Variants in HNF4G observed in about 807,000 individuals in gnomAD.
HNF4G encodes the protein hepatocyte nuclear factor 4 gamma, also known as hepatocyte nuclear factor 4-gamma.
HNF4G carries 21 observed loss-of-function variants against 50.9 expected under a neutral mutation model. The observed-to-expected ratio is 0.41, with a 90% CI of 0.29 to 0.59. The LOEUF is 0.59. HNF4G is among the 20% of genes least tolerant of loss of function. HNF4G has a pLI of 0.26. For synonymous variants in HNF4G, 198 were observed against 185.6 expected, an observed-to-expected ratio of 1.07 and a Z score of -0.54; for missense variants, 527 against 559.4, an observed-to-expected ratio of 0.94 and a Z score of 0.58.
At chr8:75,535,434 TCTTCA>T (rs1187501698), upstream of HNF4G, among the ~76,000 whole-genome samples, 1 of 151,762 alleles carries the variant, frequency 6.6e-6, no homozygotes, top group African/African-American at 2.4e-5. Flanking sequence ...TGGGTAGAGT[TCTTCA>T]CTTAATGGTT....
chr8:75,527,174 T>G (rs1285849512), intron 2 of HNF4G: 1 of 152,206 alleles, frequency 6.6e-6, no homozygotes, highest in Non-Finnish European at 1.5e-5. Flanking sequence ...ATTGTTGAAC[T>G]ACTATCTAGG....
At position 75,526,105 on chromosome 8, in the gene HNF4G, AATTTATTTATTTATTTATTT is replaced by A. The variant is rs34542534; in HGVS notation, c.-23-17684_-23-17665del. ...TATTTATGAATTCTCTACTTGCTCA[AATTTATTTATTTATTTATTT>A]ATTTATTTATTTATTTATTTAGAGA... On this transcript the variant is annotated intron_variant, in intron 2 of 10. Coordinates refer to the HNF4G transcript ENST00000354370. Among the ~76,000 whole-genome samples, 10 of 143,818 alleles carry A rather than the reference AATTTATTTATTTATTTATTT, an allele frequency of 7.0e-5. No individual in the cohort carries two copies. The East Asian group carries it at 1.7e-3, about 24-fold the overall frequency. 94.4% of individuals were successfully genotyped at this position (143,818 alleles called of 152,430 possible).
At chr8:75,495,598 T>C (rs1163290406) in intron 2 of HNF4G, 1 of 149,772 alleles carries the variant, frequency 6.7e-6, no homozygotes, top group Non-Finnish European at 1.5e-5. Context: ...AGCGCAGTGG[T>C]GCGATCTTGG....
chr8:75,486,643 C>T (rs1199102157), intron 1 of HNF4G, among the ~76,000 whole-genome samples: 2 of 152,108 alleles, frequency 1.3e-5, no homozygotes, highest in Non-Finnish European at 2.9e-5. Flanking sequence ...AAAAAACAAA[C>T]AAACAAAAAT....
At chr8:75,456,696 A>T (rs1308796843) in intron 1 of HNF4G, among the ~76,000 whole-genome samples, 2 of 151,790 alleles carry the variant, frequency 1.3e-5, no homozygotes, top group African/African-American at 2.4e-5. Context: ...AAAGTCCCAT[A>T]GAATAAAGAA....
At chr8:75,496,885 T>G (rs1381264653) in intron 2 of HNF4G, among the ~76,000 whole-genome samples, 2 of 152,088 alleles carry the variant, frequency 1.3e-5, no homozygotes, top group East Asian at 3.9e-4. Flanking sequence ...GTTTTGTGAC[T>G]ATGAGAAATG....
At chr8:75,441,702 A>C (rs1811291007) in intron 1 of HNF4G, among the ~76,000 whole-genome samples, 1 of 152,224 alleles carries the variant, frequency 6.6e-6, no homozygotes, top group South Asian at 2.1e-4. Flanking sequence ...CTGTGCTTGG[A>C]TATTATAGCA....
chr8:75,431,049 A>G (rs2130518060), intron 1 of HNF4G, among the ~76,000 whole-genome samples: 1 of 152,298 alleles, frequency 6.6e-6, no homozygotes, highest in Admixed American at 6.5e-5. Context: ...TGAGATATGA[A>G]GAAAAATTAA....
intron 1 of HNF4G, among the ~76,000 whole-genome samples, chr8:75,442,509 G>A (rs1361551954): frequency 6.6e-6 from 1 of 152,068 alleles, no homozygotes; most frequent in African/African-American, 2.4e-5. Flanking sequence ...AGGAAGTCAA[G>A]GCTGCAGTGA....
At chr8:75,480,191 A>G (rs1426902154) in intron 1 of HNF4G, among the ~76,000 whole-genome samples, 2 of 152,244 alleles carry the variant, frequency 1.3e-5, no homozygotes, top group African/African-American at 4.8e-5. Flanking sequence ...AAAGTTTAAT[A>G]AGATTAACTG....
chr8:75,413,130 C>G (rs1207169534), intron 1 of HNF4G, among the ~76,000 whole-genome samples: 1 of 151,676 alleles, frequency 6.6e-6, no homozygotes, highest in African/African-American at 2.4e-5. Flanking sequence ...GGGCCAGATT[C>G]TAACAATATT....
At chr8:75,551,610 T>C in intron 4 of HNF4G, 116 bp downstream of exon 4, 1 of 613,438 alleles carries the variant, frequency 1.6e-6, no homozygotes, top group Non-Finnish European at 2.9e-6. Context: ...ATAAGTTACA[T>C]CTACACACAA....
chr8:75,455,111 A>G (rs1278365964), intron 1 of HNF4G, among the ~76,000 whole-genome samples: 1 of 152,176 alleles, frequency 6.6e-6, no homozygotes, highest in African/African-American at 2.4e-5. Flanking sequence ...TCAAAAATCA[A>G]ACAAATAACT....
chr8:75,539,043 A>G (rs1400337950), upstream of HNF4G, among the ~76,000 whole-genome samples: 1 of 152,208 alleles, frequency 6.6e-6, no homozygotes, highest in Non-Finnish European at 1.5e-5. Flanking sequence ...ATTGAGAACT[A>G]TTGTCTAAAT....
chr8:75,561,185 C>A (rs917491009), intron 9 of HNF4G, among the ~76,000 whole-genome samples: 7 of 152,118 alleles, frequency 4.6e-5, no homozygotes, highest in African/African-American at 1.7e-4. Context: ...GTGAAATTTT[C>A]TTGCCGGTTT....
At chr8:75,518,062 TATGCC>T (rs1805940698) in intron 2 of HNF4G, among the ~76,000 whole-genome samples, 2 of 151,926 alleles carry the variant, frequency 1.3e-5, no homozygotes, top group South Asian at 4.2e-4. Flanking sequence ...TATGTATACT[TATGCC>T]ATGTTGGTGT....
chr8:75,419,978 C>T (rs527782462), intron 1 of HNF4G, among the ~76,000 whole-genome samples: 2 of 152,242 alleles, frequency 1.3e-5, no homozygotes, highest in South Asian at 4.2e-4. Flanking sequence ...CACTCAGCAC[C>T]ATTTCTGGCA....
intron 1 of HNF4G, among the ~76,000 whole-genome samples, chr8:75,477,379 T>C (rs531109672): frequency 1.3e-5 from 2 of 152,290 alleles, no homozygotes; most frequent in South Asian, 4.1e-4. Flanking sequence ...TATCGTTGTC[T>C]ATTGGATCCT....
intron 1 of HNF4G, among the ~76,000 whole-genome samples, chr8:75,424,514 A>G (rs1431255343): frequency 6.6e-6 from 1 of 152,152 alleles, no homozygotes; most frequent in Non-Finnish European, 1.5e-5. Flanking sequence ...CCCAACAGGA[A>G]GTTTTTCAGC....
Sources: gnomAD v4.1 joint callset for allele counts (sites outside exome capture counted in the v4.1 genomes callset) on GRCh38, gnomAD v4.1.1 for gene constraint, MANE v1.5 for transcripts, NCBI Gene and HGNC (gene_info 2026-07-23, HGNC 2026-07-21) for gene names.